DYNC1I2: variants seen among roughly 807,000 people sequenced by gnomAD.
The protein encoded by DYNC1I2 is dynein cytoplasmic 1 intermediate chain 2, also known as cytoplasmic dynein 1 intermediate chain 2.
DYNC1I2 carries 53 observed loss-of-function variants against 88.6 expected under a neutral mutation model. That is an observed-to-expected ratio of 0.60 (90% CI 0.48 to 0.75). The LOEUF is 0.75. Among genes scored for constraint, DYNC1I2 ranks in the 30% least tolerant of loss-of-function variants. The pLI is 0.00. For missense variants in DYNC1I2, 458 were observed against 766.6 expected, an observed-to-expected ratio of 0.60 and a Z score of 4.75; for synonymous variants, 198 against 254.6, an observed-to-expected ratio of 0.78 and a Z score of 2.12.
At chr2:171,709,998 T>A (rs1183988110) in intron 5 of DYNC1I2, among the ~76,000 whole-genome samples, 2 of 152,210 alleles carry the variant, frequency 1.3e-5, no homozygotes, top group Admixed American at 6.5e-5. Flanking sequence ...GTAGCAGGCT[T>A]GAGCCACCGC....
At chr2:171,706,791 TTG>T in intron 4 of DYNC1I2, 1 of 454,612 alleles carries the variant, frequency 2.2e-6, no homozygotes, top group Non-Finnish European at 3.9e-6. Context: ...ACATTACTTT[TTG>T]AAAGAAAAAA....
At chr2:171,690,056 C>A in intron 1 of DYNC1I2, 91 bp from the exon 2 acceptor site, 1 of 733,770 alleles carries the variant, frequency 1.4e-6, no homozygotes, top group Non-Finnish European at 2.2e-6. Flanking sequence ...TAGCATTGAA[C>A]TATATGGCCT....
chr2:171,716,026 C>T (rs929855804), intron 7 of DYNC1I2, among the ~76,000 whole-genome samples: 1 of 151,980 alleles, frequency 6.6e-6, no homozygotes, highest in East Asian at 1.9e-4. Context: ...GTTCTTAAAC[C>T]AGAAAGCATT....
intron 15 of DYNC1I2, among the ~76,000 whole-genome samples, chr2:171,742,205 T>G (rs1689488827): frequency 6.6e-6 from 1 of 152,134 alleles, no homozygotes; most frequent in Non-Finnish European, 1.5e-5. Context: ...AAGGTCTCAC[T>G]CCCATCGCCT....
chr2:171,722,525 A>C (rs908035537), intron 7 of DYNC1I2, among the ~76,000 whole-genome samples: 4 of 152,098 alleles, frequency 2.6e-5, no homozygotes, highest in Non-Finnish European at 4.4e-5. Flanking sequence ...AGTCTTTTCC[A>C]GTTTTAAATA....
chr2:171,747,207 T>TTATATATATA (rs67834157), intron 17 of DYNC1I2, among the ~76,000 whole-genome samples: 5,729 of 124,482 alleles, frequency 0.046, 211 homozygotes, highest in Middle Eastern at 0.084. Flanking sequence ...AAAAAAAAAA[T>TTATATATATA]TATATATATA....
intron 7 of DYNC1I2, among the ~76,000 whole-genome samples, chr2:171,718,222 T>C (rs1687652738): frequency 6.6e-6 from 1 of 152,220 alleles, no homozygotes; most frequent in African/African-American, 2.4e-5. Context: ...CCTCCCATAG[T>C]GCTGGGATTA....
chr2:171,703,844 A>G (rs951820863), intron 3 of DYNC1I2, among the ~76,000 whole-genome samples: 1 of 152,168 alleles, frequency 6.6e-6, no homozygotes, highest in Non-Finnish European at 1.5e-5. Flanking sequence ...TTGAGTACTG[A>G]GTATCATTGA....
intron 17 of DYNC1I2, 150 bp downstream of exon 17, chr2:171,746,077 G>A (rs2105791039): frequency 1.4e-6 from 1 of 725,394 alleles, no homozygotes; most frequent in Non-Finnish European, 2.1e-6. Context: ...CACAGAAGCA[G>A]CTCTTGAAAC....
intron 5 of DYNC1I2, among the ~76,000 whole-genome samples, chr2:171,707,581 TTTAA>T (rs1417106214): frequency 6.6e-6 from 1 of 152,162 alleles, no homozygotes. Flanking sequence ...AACTGTCACA[TTTAA>T]TTAACTTAGT....
chr2:171,715,541 C>CT (rs1687430485), intron 7 of DYNC1I2, 98 bp downstream of exon 7: 2 of 854,258 alleles, frequency 2.3e-6, no homozygotes, highest in African/African-American at 3.4e-5. Context: ...TTCTTTTTTG[C>CT]TTTTGTGTTT....
intron 5 of DYNC1I2, among the ~76,000 whole-genome samples, chr2:171,709,445 A>G (rs1011063404): frequency 6.6e-6 from 1 of 152,226 alleles, no homozygotes; most frequent in Admixed American, 6.5e-5. Context: ...ACCACAGAAG[A>G]TAAAACATTC....
chr2:171,728,873 A>C, intron 14 of DYNC1I2, 23 bp downstream of exon 14: 1 of 1,588,508 alleles, frequency 6.3e-7, no homozygotes, highest in Non-Finnish European at 8.6e-7. Flanking sequence ...TGGAATTTGC[A>C]ATAATTTAAA....
intron 3 of DYNC1I2, among the ~76,000 whole-genome samples, chr2:171,693,353 C>T (rs1195767493): frequency 6.6e-6 from 1 of 152,098 alleles, no homozygotes; most frequent in Non-Finnish European, 1.5e-5. Context: ...GCTGTTAATG[C>T]TAATAAGGGA....
intron 1 of DYNC1I2, chr2:171,688,580 T>C (rs929166046): frequency 2.0e-5 from 3 of 152,222 alleles, no homozygotes; most frequent in Non-Finnish European, 2.9e-5. Flanking sequence ...AAGAGTGGAA[T>C]AAGAAACACG....
intron 7 of DYNC1I2, among the ~76,000 whole-genome samples, chr2:171,718,476 C>T (rs1687671451): frequency 6.6e-6 from 1 of 151,820 alleles, no homozygotes; most frequent in Non-Finnish European, 1.5e-5. Flanking sequence ...CTCTGTGGCC[C>T]AGGCTGGAGT....
At chr2:171,698,048 A>AT (rs1169773469) in intron 3 of DYNC1I2, among the ~76,000 whole-genome samples, 1 of 152,204 alleles carries the variant, frequency 6.6e-6, no homozygotes, top group African/African-American at 2.4e-5. Flanking sequence ...CTCCATCATA[A>AT]TTAGCCCCTT....
At chr2:171,742,443 A>T (rs1168294639) in intron 15 of DYNC1I2, among the ~76,000 whole-genome samples, 2 of 152,174 alleles carry the variant, frequency 1.3e-5, no homozygotes, top group Non-Finnish European at 2.9e-5. Context: ...AAGTGCTGGG[A>T]TTACAGGCAT....
intron 6 of DYNC1I2, 89 bp downstream of exon 6, chr2:171,712,915 A>G: frequency 1.8e-6 from 2 of 1,119,194 alleles, no homozygotes; most frequent in Non-Finnish European, 2.7e-6. Flanking sequence ...TAAGTTTATA[A>G]TATTGTATCA....
Sources: gnomAD v4.1 joint callset for allele counts (sites outside exome capture counted in the v4.1 genomes callset) on GRCh38, gnomAD v4.1.1 for gene constraint, MANE v1.5 for transcripts, NCBI Gene and HGNC (gene_info 2026-07-23, HGNC 2026-07-21) for gene names.